Variants in HPSE2 observed in about 807,000 individuals in gnomAD.
HPSE2 encodes inactive heparanase-2.
In HPSE2, 38 loss-of-function variants were observed where a neutral mutation model predicts 60.5. That is an observed-to-expected ratio of 0.63 (90% CI 0.48 to 0.82). The LOEUF is 0.82. Among genes scored for constraint, HPSE2 ranks in the 40% least tolerant of loss-of-function variants. The pLI, the probability that HPSE2 is intolerant of heterozygous loss-of-function variation, is 0.00. For synonymous variants in HPSE2, 295 were observed against 293.2 expected, an observed-to-expected ratio of 1.01 and a Z score of -0.06; for missense variants, 713 against 740.4, an observed-to-expected ratio of 0.96 and a Z score of 0.43.
intron 3 of HPSE2, among the ~76,000 whole-genome samples, chr10:99,107,962 A>T (rs940386722): frequency 3.3e-5 from 5 of 152,198 alleles, no homozygotes; most frequent in African/African-American, 9.6e-5. Flanking sequence ...ATTTGTAAGG[A>T]GACCTTTTAA....
chr10:99,303,584 G>T, the HPSE2 span, among the ~76,000 whole-genome samples: 2 of 152,188 alleles, frequency 1.3e-5, no homozygotes, highest in Non-Finnish European at 2.9e-5. Flanking sequence ...CCACACTACT[G>T]TTAAACTTCA....
chr10:98,878,717 T>C (rs1952941372), intron 3 of HPSE2, among the ~76,000 whole-genome samples: 1 of 151,992 alleles, frequency 6.6e-6, no homozygotes. Context: ...ATAATGATAA[T>C]GGGAAGCCAC....
chr10:98,517,931 C>A (rs772444050), intron 9 of HPSE2, among the ~76,000 whole-genome samples: 3 of 152,208 alleles, frequency 2.0e-5, no homozygotes, highest in Non-Finnish European at 4.4e-5. Context: ...CAACCAGTTC[C>A]TGCTTATAAA....
intron 6 of HPSE2, among the ~76,000 whole-genome samples, chr10:98,680,724 G>C (rs1947761881): frequency 6.6e-6 from 1 of 152,108 alleles, no homozygotes; most frequent in Non-Finnish European, 1.5e-5. Context: ...AAAAGCACTT[G>C]TATGATTGAG....
At chr10:99,178,418 C>G (rs1022060924) in intron 2 of HPSE2, among the ~76,000 whole-genome samples, 14 of 151,738 alleles carry the variant, frequency 9.2e-5, no homozygotes, top group Admixed American at 6.6e-5. Flanking sequence ...ATAGACACAA[C>G]AAAAAGTGAT....
intron 3 of HPSE2, among the ~76,000 whole-genome samples, chr10:99,076,822 C>T (rs533180599): frequency 6.6e-6 from 1 of 152,190 alleles, no homozygotes; most frequent in Non-Finnish European, 1.5e-5. Context: ...TTTTCCTATG[C>T]TTTTGTATTA....
chr10:98,710,277 C>T (rs1192343367), intron 5 of HPSE2, among the ~76,000 whole-genome samples: 2 of 152,102 alleles, frequency 1.3e-5, no homozygotes, highest in Admixed American at 1.3e-4. Flanking sequence ...TTCAGTCCTC[C>T]ATTTCTTTCT....
chr10:98,475,013 G>C (rs1325030753), intron 11 of HPSE2, among the ~76,000 whole-genome samples: 2 of 152,054 alleles, frequency 1.3e-5, no homozygotes, highest in African/African-American at 4.8e-5. Flanking sequence ...GAAAGATCAA[G>C]GGACATTCTG....
At chr10:98,553,831 T>TG (rs529728464) in intron 9 of HPSE2, among the ~76,000 whole-genome samples, 293 of 152,338 alleles carry the variant, frequency 1.9e-3, no homozygotes, top group African/African-American at 6.7e-3. Flanking sequence ...TGTGCTGTTT[T>TG]GGGGGGCTGT....
chr10:99,013,117 G>A (rs550295895), intron 3 of HPSE2: 31 of 660,052 alleles, frequency 4.7e-5, no homozygotes, highest in African/African-American at 1.3e-4. Flanking sequence ...ATCTTAAGTC[G>A]TGACATTAAC....
intron 3 of HPSE2, among the ~76,000 whole-genome samples, chr10:98,878,166 A>G (rs902963756): frequency 6.6e-6 from 1 of 151,996 alleles, no homozygotes; most frequent in Non-Finnish European, 1.5e-5. Context: ...CAGTGCTGTG[A>G]TCACTGAGAA....
chr10:98,568,372 G>A (rs1944404738), intron 9 of HPSE2, among the ~76,000 whole-genome samples: 1 of 152,154 alleles, frequency 6.6e-6, no homozygotes, highest in African/African-American at 2.4e-5. Context: ...TCTGTTGTGG[G>A]GATTCAGTGA....
At chr10:98,661,777 G>A (rs1490417445) in intron 6 of HPSE2, among the ~76,000 whole-genome samples, 1 of 152,168 alleles carries the variant, frequency 6.6e-6, no homozygotes, top group Non-Finnish European at 1.5e-5. Context: ...TGAAATAAAT[G>A]ACCTTGTGCA....
intron 2 of HPSE2, among the ~76,000 whole-genome samples, chr10:99,213,545 A>G (rs1270931320): frequency 1.3e-5 from 2 of 152,114 alleles, no homozygotes; most frequent in African/African-American, 4.8e-5. Context: ...TTTGAGGCAT[A>G]TATCTTATAC....
At chr10:99,242,837 T>C in the HPSE2 span, among the ~76,000 whole-genome samples, 1 of 152,222 alleles carries the variant, frequency 6.6e-6, no homozygotes, top group Non-Finnish European at 1.5e-5. Flanking sequence ...GTTGTGAGAA[T>C]TAAATGAGAT....
At chr10:98,926,500 C>T (rs984556730) in intron 3 of HPSE2, among the ~76,000 whole-genome samples, 1 of 152,124 alleles carries the variant, frequency 6.6e-6, no homozygotes, top group African/African-American at 2.4e-5. Flanking sequence ...AAAAAGGAGG[C>T]ATGCTTCATA....
intron 3 of HPSE2, among the ~76,000 whole-genome samples, chr10:98,850,736 C>CAAAA (rs11345838): frequency 5.6e-5 from 4 of 71,886 alleles, no homozygotes; most frequent in Non-Finnish European, 1.1e-4. Flanking sequence ...GACTCCATCT[C>CAAAA]AAAAAAAAAA....
chr10:98,776,278 CAAAAA>C (rs35176062), intron 3 of HPSE2, among the ~76,000 whole-genome samples: 1 of 137,082 alleles, frequency 7.3e-6, no homozygotes. Context: ...ACTAAAAATA[CAAAAA>C]AAAAAAAAAA....
chr10:99,066,423 A>G (rs1052453919), intron 3 of HPSE2, among the ~76,000 whole-genome samples: 16 of 152,200 alleles, frequency 1.1e-4, no homozygotes, highest in African/African-American at 3.9e-4. Context: ...TAAAGATTAG[A>G]GTTGTATTAG....
Sources: gnomAD v4.1 joint callset for allele counts (sites outside exome capture counted in the v4.1 genomes callset) on GRCh38, gnomAD v4.1.1 for gene constraint, MANE v1.5 for transcripts, NCBI Gene and HGNC (gene_info 2026-07-23, HGNC 2026-07-21) for gene names.